Variants in ATR observed in about 807,000 individuals in gnomAD.
ATR encodes ATR checkpoint kinase, also known as serine/threonine-protein kinase ATR.
ATR carries 142 observed loss-of-function variants against 305.3 expected under a neutral mutation model. The ratio of observed to expected loss-of-function variants is 0.47; its 90% confidence interval spans 0.41 to 0.53. ATR has a LOEUF of 0.53. ATR is among the 20% of genes least tolerant of loss of function. ATR has a pLI of 0.00. For missense variants in ATR, 2,135 were observed against 3,133.1 expected (o/e 0.68, Z 7.60); for synonymous variants, 1,050 against 1,068.1 (o/e 0.98, Z 0.33).
intron 10 of ATR, among the ~76,000 whole-genome samples, chr3:142,554,748 T>A (rs1178337117): frequency 1.3e-5 from 2 of 151,038 alleles, no homozygotes; most frequent in African/African-American, 4.9e-5. Context: ...CAAAGTGAGA[T>A]CCCTCTCTAC....
chr3:142,566,642 A>C (rs2035083082), intron 2 of ATR, among the ~76,000 whole-genome samples: 1 of 146,590 alleles, frequency 6.8e-6, no homozygotes, highest in Non-Finnish European at 1.5e-5. Flanking sequence ...AAAAAAAAAA[A>C]CAAAAAGTGG....
intron 1 of ATR, among the ~76,000 whole-genome samples, chr3:142,575,322 T>C (rs1348023292): frequency 6.6e-6 from 1 of 151,990 alleles, no homozygotes; most frequent in East Asian, 1.9e-4. Flanking sequence ...CCATCTTCAC[T>C]AACAATATAA....
At chr3:142,474,260 G>A (rs1320999190) in intron 36 of ATR, among the ~76,000 whole-genome samples, 2 of 151,542 alleles carry the variant, frequency 1.3e-5, no homozygotes, top group Non-Finnish European at 2.9e-5. Flanking sequence ...AAAAAAAAAA[G>A]GAAAGAAAGA....
intron 1 of ATR, among the ~76,000 whole-genome samples, chr3:142,577,620 A>G (rs1371104047): frequency 6.6e-6 from 1 of 152,250 alleles, no homozygotes; most frequent in East Asian, 1.9e-4. Flanking sequence ...AGTGGAAATG[A>G]ACACAACTGC....
chr3:142,517,542 G>A (rs929195312), intron 24 of ATR, among the ~76,000 whole-genome samples: 2 of 152,056 alleles, frequency 1.3e-5, no homozygotes, highest in Non-Finnish European at 1.5e-5. Flanking sequence ...TATTGAAAAC[G>A]CACTCTATCA....
Position 142,497,099 on chromosome 3 carries a change from T to C in ATR, c.5652A>G (p.Val1884=). 6.2e-7 allele frequency: 1 copy of C among 1,614,088 alleles called. No homozygotes were observed. Among genetic ancestry groups the C allele is most frequent in the Non-Finnish European group, 8.5e-7 (1 of 1,179,980 alleles). Residue 1884 remains valine (V), a synonymous_variant, in exon 33 of 47, where the codon GTA becomes GTG. Coordinates refer to ENST00000350721, the MANE Select transcript of ATR (RefSeq NM_001184.4). The part of the protein sequence containing the change: ...DSSQEDSLNW[V]ARLEMTQNSY... ...AATTCTGGGTCATTTCTAGTCGAGCTACCCAGTTTAGAGAATCTTCTTGAG... is the reference window on the plus strand; with the variant it reads ...AATTCTGGGTCATTTCTAGTCGAGCCACCCAGTTTAGAGAATCTTCTTGAG...
At chr3:142,575,855 T>A (rs952651528) in intron 1 of ATR, among the ~76,000 whole-genome samples, 2 of 152,192 alleles carry the variant, frequency 1.3e-5, no homozygotes, top group Non-Finnish European at 2.9e-5. Context: ...TAAAAGGTGA[T>A]GAAGTCAGAG....
chr3:142,459,790 C>T (rs1413062226), intron 42 of ATR, among the ~76,000 whole-genome samples: 2 of 151,846 alleles, frequency 1.3e-5, no homozygotes, highest in African/African-American at 4.8e-5. Context: ...GGAAGCAATC[C>T]TCCAGATAAG....
At position 142,483,096 on chromosome 3, in the gene ATR, C is replaced by G. The variant is rs116758657; in HGVS notation, c.6221+2044G>C. On this transcript the variant is annotated intron_variant, in intron 36 of 46. Coordinates refer to ENST00000350721, the MANE Select transcript of ATR (RefSeq NM_001184.4). ...TCACAGCTCACCACTGCCTTGACGT[C>G]CCAGGTTCAGGTAATCCTCCCACCT... Among the ~76,000 whole-genome samples, 87 of 150,414 alleles carry G rather than the reference C, an allele frequency of 5.8e-4. 1 individual carries two copies. The highest frequency in any genetic ancestry group is 2.0e-3 in the African/African-American group (83 of 40,840).
At chr3:142,512,220 TAAAAAAA>T in intron 27 of ATR, 33 bp downstream of exon 27, 1 of 1,245,620 alleles carries the variant, frequency 8.0e-7, no homozygotes, top group Non-Finnish European at 1.1e-6. Flanking sequence ...GGTGAATAGC[TAAAAAAA>T]AAAAAAAAAA....
chr3:142,450,831 C>T (rs2070771052), intron 46 of ATR: 14 of 1,369,320 alleles, frequency 1.0e-5, no homozygotes, highest in South Asian at 1.5e-5. Flanking sequence ...ACAGAGCTTC[C>T]GTTCAGTTGC....
At chr3:142,516,142 T>C (rs540059615) in intron 24 of ATR, among the ~76,000 whole-genome samples, 1 of 152,290 alleles carries the variant, frequency 6.6e-6, no homozygotes, top group Admixed American at 6.5e-5. Flanking sequence ...CTTGTTGAGA[T>C]CTTCTGTTCC....
intron 10 of ATR, 55 bp downstream of exon 10, chr3:142,555,822 T>A: frequency 6.5e-7 from 1 of 1,546,646 alleles, no homozygotes; most frequent in South Asian, 1.2e-5. Flanking sequence ...TTTACTGATT[T>A]GAAAAGCAGA....
intron 13 of ATR, among the ~76,000 whole-genome samples, chr3:142,552,810 G>C (rs1240771918): frequency 1.3e-5 from 2 of 152,022 alleles, no homozygotes; most frequent in Non-Finnish European, 2.9e-5. Context: ...CCTTTGCAGG[G>C]ACATGAATGG....
intron 24 of ATR, among the ~76,000 whole-genome samples, chr3:142,516,984 A>ATATATATATATATATATATATATATATAT (rs2032892222): frequency 2.2e-5 from 3 of 139,130 alleles, no homozygotes; most frequent in African/African-American, 8.2e-5. Flanking sequence ...ATACCCAAAT[A>ATATATATATATATATATATATATATATAT]ATATATATAT....
At chr3:142,464,164 C>T (rs2071079281) in intron 41 of ATR, among the ~76,000 whole-genome samples, 1 of 152,118 alleles carries the variant, frequency 6.6e-6, no homozygotes, top group Non-Finnish European at 1.5e-5. Context: ...TTGGCTCTGT[C>T]ATCTGGGCTA....
intron 35 of ATR, among the ~76,000 whole-genome samples, chr3:142,492,671 T>G (rs2031359098): frequency 6.6e-6 from 1 of 152,256 alleles, no homozygotes; most frequent in African/African-American, 2.4e-5. Context: ...CTTTTAAGAA[T>G]GGCTTTAGCT....
At chr3:142,509,102 G>A (rs2032413367) in intron 27 of ATR, among the ~76,000 whole-genome samples, 1 of 152,060 alleles carries the variant, frequency 6.6e-6, no homozygotes, top group South Asian at 2.1e-4. Context: ...TCATAAGTGT[G>A]TAGAAAACAG....
intron 36 of ATR, among the ~76,000 whole-genome samples, chr3:142,476,122 G>T (rs556078591): frequency 1.4e-4 from 21 of 152,194 alleles, no homozygotes; most frequent in East Asian, 5.8e-4. Flanking sequence ...GTCAATTTTG[G>T]CTTTTGTTGC....
Sources: allele counts gnomAD v4.1 joint callset (sites outside exome capture counted in the v4.1 genomes callset), GRCh38; gene constraint gnomAD v4.1.1; transcripts MANE v1.5; gene names NCBI Gene and HGNC (gene_info 2026-07-23, HGNC 2026-07-21).